NELFA: variants seen among roughly 807,000 people sequenced by gnomAD.
The protein encoded by NELFA is negative elongation factor A.
A neutral mutation model predicts 51.8 loss-of-function variants in NELFA; 35 were observed. The ratio of observed to expected loss-of-function variants is 0.68; its 90% CI spans 0.52 to 0.90. The LOEUF is 0.90. Ranked by LOEUF, NELFA falls within the 40% of genes least tolerant of loss-of-function variation. The probability of loss-of-function intolerance (pLI) is 0.00; values close to 1 mark genes in which losing one functional copy is unlikely to be tolerated. For missense variants in NELFA, 658 were observed against 746.4 expected, an observed-to-expected ratio of 0.88 and a Z score of 1.38; for synonymous variants, 417 against 338.4, an observed-to-expected ratio of 1.23 and a Z score of -2.55.
chr4:2,005,521 A>G (rs1728687948), intron 1 of NELFA, among the ~76,000 whole-genome samples: 1 of 152,134 alleles, frequency 6.6e-6, no homozygotes, highest in African/African-American at 2.4e-5. Flanking sequence ...GTGAAACCCC[A>G]TCTCTACTAA....
chr4:1,997,903 G>T (rs1256515957), intron 1 of NELFA, among the ~76,000 whole-genome samples: 1 of 152,146 alleles, frequency 6.6e-6, no homozygotes, highest in Non-Finnish European at 1.5e-5. Flanking sequence ...TGCCCCTCGA[G>T]ATCAGAGGTC....
At position 2,008,762 on chromosome 4, in the gene NELFA, G is replaced by A. The variant is rs1448581839; in HGVS notation, c.198C>T (p.Arg66=). Residue 66 remains arginine, a synonymous_variant, in exon 1 of 11, where the codon CGC becomes CGT. Transcript: ENST00000382882. Reference sequence around the variant, plus strand: ...ACGCCTGCCTTACCTCGTCCACCGTGCGGCGCGGGAGGTGCAGCGTCCCGA... The same window carrying A: ...ACGCCTGCCTTACCTCGTCCACCGTACGGCGCGGGAGGTGCAGCGTCCCGA... ...LLLGTLHLPR[R]TVDEMKGALM... The A allele has an allele frequency of 6.2e-7, 1 of 1,609,906 alleles. No homozygotes were observed. Among genetic ancestry groups the A allele is most frequent in the South Asian group, 1.1e-5 (1 of 90,282 alleles).
At chr4:1,986,922 G>T (rs1442318281) in intron 4 of NELFA, among the ~76,000 whole-genome samples, 1 of 152,156 alleles carries the variant, frequency 6.6e-6, no homozygotes, top group Non-Finnish European at 1.5e-5. Flanking sequence ...GGCCAGGCTG[G>T]ACACACTGCT....
At chr4:1,985,886 T>C (rs1220745355) in intron 6 of NELFA, 22 bp from the exon 7 acceptor site, 1 of 1,597,386 alleles carries the variant, frequency 6.3e-7, no homozygotes, top group African/African-American at 1.3e-5. Flanking sequence ...ACAGGAGTCC[T>C]CGCCAGTGCC....
At chr4:2,001,907 G>GA (rs34649516) in intron 1 of NELFA, among the ~76,000 whole-genome samples, 38,301 of 120,880 alleles carry the variant, frequency 0.32, 5,026 homozygotes, top group Middle Eastern at 0.41. Flanking sequence ...TGTCTCAAAA[G>GA]AAAAAAAAAA....
chr4:2,007,196 G>A (rs1465748198), intron 1 of NELFA: 1 of 380,888 alleles, frequency 2.6e-6, no homozygotes, highest in Admixed American at 3.0e-5. Context: ...GACAGCGCCA[G>A]ACCCTGTCTC....
intron 1 of NELFA, chr4:2,008,127 G>A: frequency 2.3e-6 from 1 of 438,094 alleles, no homozygotes; most frequent in Non-Finnish European, 4.6e-6. Flanking sequence ...TCACGCGGGG[G>A]TTTCTCTCGG....
rs754160920 is a variant in NELFA at position 1,989,022 on chromosome 4, T to C, written c.544+686A>G. Among the ~76,000 whole-genome samples the C allele has an allele frequency of 8.6e-5, 13 of 151,130 alleles. No homozygotes were observed. Among genetic ancestry groups the C allele is most frequent in the Non-Finnish European group, 1.9e-4 (13 of 67,842 alleles). ...GTGCAGTGGGGCAATCTTGGCTCAC[T>C]GCAACCTCCGCCTCCCAGGTTCAAG... On this transcript the variant is annotated intron_variant, in intron 3 of 10. Coordinates refer to ENST00000382882, the MANE Select transcript of NELFA (RefSeq NM_005663.5). This position sits in a 1 kb window ranked among gnomAD's most constrained non-coding sequence, Gnocchi z 4.8.
In NELFA at chr4:1,984,127, G is replaced by A. The variant is rs1030514075; in HGVS notation, c.1037-14C>T. The A allele has an allele frequency of 1.4e-5, 21 of 1,532,074 alleles. No homozygotes were observed. Among genetic ancestry groups the A allele is most frequent in the South Asian group, 5.0e-5 (4 of 80,804 alleles). 94.9% of individuals were successfully genotyped at this position (1,532,074 alleles called of 1,614,324 possible). On this transcript the variant is annotated splice_polypyrimidine_tract_variant and intron_variant, in intron 8 of 10. Transcript: ENST00000382882. The stretch of plus-strand genomic sequence containing the variant: ...GGGAAGATGGGGCTGCAAGTAGACC[G>A]GGGCCTGGTGAGGGGGCTGGACCCC...
At chr4:1,991,985 A>G (rs1728284241) in intron 1 of NELFA, 1 of 402,790 alleles carries the variant, frequency 2.5e-6, no homozygotes, top group African/African-American at 2.3e-5. Context: ...CACCCAGTCC[A>G]CTGGGCCTAC....
rs780766143 is a variant in NELFA at position 1,986,347 on chromosome 4, G to A, written c.690C>T (p.Ser230=). The A allele has an allele frequency of 7.5e-6, 12 of 1,605,182 alleles. No individual in the cohort carries two copies. The South Asian group carries it at 8.9e-5, about 12-fold the overall frequency. ...QAPFRSPTAP[S]VFSPTGNRTP... Reference sequence around the variant, plus strand: ...TCCGGTTCCCTGTGGGGCTGAAGACGCTGGGCGCCGTGGGGCTTCTGAAGG... The same window carrying A: ...TCCGGTTCCCTGTGGGGCTGAAGACACTGGGCGCCGTGGGGCTTCTGAAGG... The change falls in exon 5 of 11, where the codon AGC becomes AGT. Residue 230 remains serine (S), a synonymous_variant. Transcript: ENST00000382882.
chr4:2,008,765 G>C lies in NELFA; in HGVS notation c.195C>G (p.Arg65=). The change falls in exon 1 of 11, where the codon CGC becomes CGG. Residue 65 remains arginine (R), a synonymous_variant. Transcript: ENST00000382882. ...KLLLGTLHLP[R]RTVDEMKGAL... The stretch of plus-strand genomic sequence containing the variant: ...CCTGCCTTACCTCGTCCACCGTGCG[G>C]CGCGGGAGGTGCAGCGTCCCGAGTA... 9 of 1,610,326 alleles carry C rather than the reference G, an allele frequency of 5.6e-6. No homozygotes were observed. The highest frequency in any genetic ancestry group is 7.6e-6 in the Non-Finnish European group (9 of 1,178,532).
At chr4:1,986,554 G>C (rs1335054324) in intron 4 of NELFA, 152 bp from the exon 5 acceptor site, 1 of 1,241,910 alleles carries the variant, frequency 8.1e-7, no homozygotes, top group African/African-American at 1.5e-5. Context: ...CCAGGATCCC[G>C]GACCTCAAGG....
chr4:1,991,342 G>A (rs1560868886), intron 2 of NELFA, among the ~76,000 whole-genome samples: 1 of 152,274 alleles, frequency 6.6e-6, no homozygotes, highest in East Asian at 1.9e-4. Flanking sequence ...GGGCCTGTGG[G>A]CTGTTTGGAG....
chr4:1,984,853 C>A lies in NELFA; in HGVS notation c.991G>T (p.Val331Leu), dbSNP rs200573084. 34 of 1,577,414 alleles carry A rather than the reference C, an allele frequency of 2.2e-5. No individual in the cohort carries two copies. The African/African-American group carries it at 3.6e-4, about 17-fold the overall frequency. Residue 331 changes from valine (V) to leucine (L), a missense_variant, in exon 8 of 11, where the codon GTG (valine) becomes TTG (leucine). Val to Leu is a conservative substitution (Grantham distance 32, BLOSUM62 1). This residue lies in a region of NELFA where 200 missense variants were observed against 167.9 expected (regional missense o/e 1.19). Transcript: ENST00000382882. Reference sequence around the variant, plus strand: ...GGGATGTAGGAGGAGGCGGGAACCACGCTGGGCGTGGAGGGAAGGTAGCTC... The same window carrying A: ...GGGATGTAGGAGGAGGCGGGAACCAAGCTGGGCGTGGAGGGAAGGTAGCTC... ...STSYLPSTPS[V>L]VPASSYIPSS...
chr4:1,990,054 C>T, intron 2 of NELFA, 185 bp from the exon 3 acceptor site: 2 of 651,214 alleles, frequency 3.1e-6, no homozygotes, highest in Non-Finnish European at 5.2e-6. Flanking sequence ...GGAGCATTTG[C>T]AGAACAGGAA....
intron 4 of NELFA, 40 bp from the exon 5 acceptor site, chr4:1,986,442 C>T (rs772541698): frequency 1.0e-5 from 16 of 1,604,060 alleles, no homozygotes; most frequent in Middle Eastern, 1.6e-4. Flanking sequence ...CAGCAGTGAC[C>T]GGCAAACGTC....
chr4:1,991,511 C>T, intron 2 of NELFA, 33 bp downstream of exon 2: 2 of 1,601,974 alleles, frequency 1.2e-6, no homozygotes, highest in South Asian at 2.3e-5. Context: ...CCATTTCCCT[C>T]CACCCAACAT....
intron 1 of NELFA, chr4:2,004,175 A>G (rs1728647882): frequency 6.6e-6 from 1 of 151,568 alleles, no homozygotes; most frequent in Admixed American, 6.6e-5. Flanking sequence ...AGAAAAAAAA[A>G]GAAGAAGAAG....
Sources: gnomAD v4.1 joint callset for allele counts (sites outside exome capture counted in the v4.1 genomes callset) on GRCh38, gnomAD v4.1.1 for gene constraint, gnomAD v4.1.1 regional missense constraint, Gnocchi (gnomAD v3.1) non-coding constraint, MANE v1.5 for transcripts, NCBI Gene and HGNC (gene_info 2026-07-23, HGNC 2026-07-21) for gene names.